The following ATXN1 variants were observed in gnomAD, a reference collection of about 807,000 sequenced individuals.
ATXN1 encodes the protein ataxin-1.
A neutral mutation model predicts 56.4 loss-of-function variants in ATXN1; 8 were observed. The ratio of observed to expected loss-of-function variants is 0.14; its 90% CI spans 0.08 to 0.26. The LOEUF (loss-of-function observed/expected upper bound fraction) is 0.26, where lower values mean the gene tolerates loss of function less well. Ranked by LOEUF, ATXN1 falls within the 10% of genes least tolerant of loss-of-function variation. The pLI is 1.00. For synonymous variants in ATXN1, 514 were observed against 494.6 expected (o/e 1.04, Z -0.52); for missense variants, 987 against 1,106.5 (o/e 0.89, Z 1.53).
chr6:16,663,830 A>G (rs989543549), intron 2 of ATXN1, among the ~76,000 whole-genome samples: 5 of 152,152 alleles, frequency 3.3e-5, no homozygotes, highest in Admixed American at 2.6e-4. Flanking sequence ...ATGTCCGGCC[A>G]GGAACATGTT....
intron 2 of ATXN1, among the ~76,000 whole-genome samples, chr6:16,742,362 G>A (rs1320667657): frequency 6.6e-6 from 1 of 152,114 alleles, no homozygotes; most frequent in East Asian, 1.9e-4. Flanking sequence ...CAGCTCCAGA[G>A]GTGAACTGGA....
At chr6:16,370,706 G>C (rs1299438041) in intron 6 of ATXN1, among the ~76,000 whole-genome samples, 1 of 152,092 alleles carries the variant, frequency 6.6e-6, no homozygotes, top group Non-Finnish European at 1.5e-5. Context: ...TGTTTACAAA[G>C]TTAGAATAAT....
At chr6:16,641,966 C>T (rs985187620) in intron 3 of ATXN1, among the ~76,000 whole-genome samples, 3 of 152,264 alleles carry the variant, frequency 2.0e-5, no homozygotes, top group East Asian at 1.9e-4. Flanking sequence ...GAAGGAACTG[C>T]AGATGAGGTG....
chr6:16,520,494 C>T (rs183599915), intron 5 of ATXN1, among the ~76,000 whole-genome samples: 283 of 152,302 alleles, frequency 1.9e-3, no homozygotes, highest in Admixed American at 3.5e-3. Flanking sequence ...CATTCCTTCA[C>T]CATTTCTTGC....
intron 3 of ATXN1, among the ~76,000 whole-genome samples, chr6:16,633,990 C>A (rs368274890): frequency 6.6e-6 from 1 of 152,210 alleles, no homozygotes; most frequent in East Asian, 1.9e-4. Flanking sequence ...ACTCTAAATT[C>A]ACTTGCTTCT....
chr6:16,416,601 T>G (rs1758913736), intron 6 of ATXN1, among the ~76,000 whole-genome samples: 1 of 152,248 alleles, frequency 6.6e-6, no homozygotes, highest in African/African-American at 2.4e-5. Flanking sequence ...ATTATTCCTT[T>G]TATATAAACT....
In ATXN1 at chr6:16,602,470, T is replaced by A. The variant is rs184110145; in HGVS notation, c.-488-16563A>T. 7.8e-3 allele frequency among the ~76,000 whole-genome samples: 1,180 copies of A among 151,814 alleles called. 10 individuals carry two copies. The highest frequency in any genetic ancestry group is 9.3e-3 in the Non-Finnish European group (632 of 67,890). ...AGCCAAAATTCTTTTTTTTTTTTTT[T>A]AGATGGAGTCTCGCTCTGTGACCCA... is the stretch of plus-strand genomic sequence containing the variant. On this transcript the variant is annotated intron_variant, in intron 3 of 7. Transcript: ENST00000436367.
chr6:16,731,071 T>C (rs1455696346), intron 2 of ATXN1, among the ~76,000 whole-genome samples: 3 of 152,166 alleles, frequency 2.0e-5, no homozygotes, highest in Non-Finnish European at 4.4e-5. Flanking sequence ...AACATATGCA[T>C]GTAAAACTCC....
chr6:16,380,355 C>T (rs1561873791), intron 6 of ATXN1, among the ~76,000 whole-genome samples: 2 of 152,192 alleles, frequency 1.3e-5, no homozygotes, highest in Non-Finnish European at 2.9e-5. Context: ...ATATCATTCT[C>T]TGGTTCCAGG....
Position 16,738,174 on chromosome 6 carries a change from C to G in ATXN1, c.-615+15059G>C, listed in dbSNP as rs570033137. 5.3e-5 allele frequency: 8 copies of G among 152,314 alleles called. No homozygotes were observed. In the South Asian group the frequency reaches 1.7e-3, roughly 32 times the overall value. The allele number at this position is 152,314 out of a possible 1,614,324, so 9.4% of individuals were successfully genotyped here. ...ATTACATTTGCAGCGAATCCAGGAC[C>G]AATGCCAGAATGATCTGGGAATTTA... is the stretch of plus-strand genomic sequence containing the variant. On this transcript the variant is annotated intron_variant, in intron 2 of 7. Coordinates refer to ENST00000436367, the MANE Select transcript of ATXN1 (RefSeq NM_001128164.2).
chr6:16,590,014 C>T (rs1374768111), intron 3 of ATXN1, among the ~76,000 whole-genome samples: 1 of 152,138 alleles, frequency 6.6e-6, no homozygotes, highest in Admixed American at 6.5e-5. Context: ...AGAAACTACA[C>T]ATATCGCCAT....
chr6:16,321,921 C>T (rs957569149), intron 7 of ATXN1, among the ~76,000 whole-genome samples: 1 of 152,206 alleles, frequency 6.6e-6, no homozygotes, highest in Non-Finnish European at 1.5e-5. Flanking sequence ...GAGATTATCT[C>T]CTATGAAGAA....
intron 6 of ATXN1, among the ~76,000 whole-genome samples, chr6:16,429,720 A>C (rs948118381): frequency 6.6e-6 from 1 of 152,074 alleles, no homozygotes; most frequent in Admixed American, 6.6e-5. Flanking sequence ...GCCTGGCTGG[A>C]GTTTTCTCTT....
intron 4 of ATXN1, among the ~76,000 whole-genome samples, chr6:16,533,228 A>C (rs1465260254): frequency 6.6e-6 from 1 of 152,208 alleles, no homozygotes; most frequent in East Asian, 1.9e-4. Flanking sequence ...TAAAAAGAAG[A>C]AGAAGAAGAA....
At chr6:16,378,678 C>G (rs1265699361) in intron 6 of ATXN1, among the ~76,000 whole-genome samples, 2 of 152,036 alleles carry the variant, frequency 1.3e-5, no homozygotes, top group Admixed American at 1.3e-4. Context: ...CCCACCTCAG[C>G]CTCCTGAGTA....
At chr6:16,561,056 A>C (rs562807680) in intron 4 of ATXN1, among the ~76,000 whole-genome samples, 1 of 152,328 alleles carries the variant, frequency 6.6e-6, no homozygotes, top group South Asian at 2.1e-4. Flanking sequence ...AAACTATTGA[A>C]AAATAAAATA....
In ATXN1 at chr6:16,327,691, T is replaced by A. The variant is rs1213548364; in HGVS notation, c.620A>T (p.Gln207Leu). The change falls in exon 7 of 8, where the codon CAG (glutamine) becomes CTG (leucine). Residue 207 changes from glutamine (Q) to leucine (L), a missense_variant. Around this residue, in one of 3 missense-constraint regions of ATXN1, gnomAD observed 723 missense variants for 791.7 expected, o/e 0.91. Transcript: ENST00000436367. ...CTGCTGCTGCTGATGCTGATGCTGC[T>A]GCTGCTGCTGCTGCTGCTGCTGCTG... ...QQQQQQQQQQ[Q>L]QHQHQQQQQQ... The A allele has an allele frequency of 6.3e-7, 1 of 1,585,028 alleles. No individual in the cohort carries two copies. The highest frequency in any genetic ancestry group is 8.6e-7 in the Non-Finnish European group (1 of 1,169,324).
Position 16,488,961 on chromosome 6 carries a change from C to T in ATXN1, c.-298-2852G>A, listed in dbSNP as rs369907921. On this transcript the variant is annotated intron_variant, in intron 5 of 7. Coordinates refer to ENST00000436367, the MANE Select transcript of ATXN1 (RefSeq NM_001128164.2). ...TCTTGCCATCGGACCTGGGAAATTA[C>T]GCCAGGCTGTCAGTTTCATCCTCTG... 8.5e-5 allele frequency among the ~76,000 whole-genome samples: 13 copies of T among 152,236 alleles called. No homozygotes were observed. In the East Asian group the frequency reaches 1.2e-3, roughly 14 times the overall value.
intron 6 of ATXN1, among the ~76,000 whole-genome samples, chr6:16,482,285 G>A (rs948880946): frequency 6.6e-6 from 1 of 152,118 alleles, no homozygotes; most frequent in African/African-American, 2.4e-5. Flanking sequence ...AGTATTTTAG[G>A]TACTATTCAT....
Sources: allele counts gnomAD v4.1 joint callset (sites outside exome capture counted in the v4.1 genomes callset), GRCh38; gene constraint gnomAD v4.1.1; regional missense constraint gnomAD v4.1.1; transcripts MANE v1.5; gene names NCBI Gene and HGNC (gene_info 2026-07-23, HGNC 2026-07-21).